PXT1: variants seen among roughly 807,000 people sequenced by gnomAD.
PXT1 encodes peroxisomal testis enriched protein 1, also known as peroxisomal testis-specific protein 1.
Under a neutral mutation model 11.0 loss-of-function variants are expected in PXT1, and 11 were observed. The observed-to-expected ratio is 1.00, with a 90% CI of 0.63 to 1.66. The LOEUF (loss-of-function observed/expected upper bound fraction) is 1.66, where lower values mean the gene tolerates loss of function less well. PXT1 is among the 40% of genes most tolerant of loss of function. The probability of loss-of-function intolerance (pLI) is 0.00; values close to 1 mark genes in which losing one functional copy is unlikely to be tolerated. For synonymous variants in PXT1, 43 were observed against 51.4 expected, an observed-to-expected ratio of 0.84 and a Z score of 0.70; for missense variants, 141 against 155.5, an observed-to-expected ratio of 0.91 and a Z score of 0.49.
intron 3 of PXT1, among the ~76,000 whole-genome samples, chr6:36,411,799 A>T (rs1208227739): frequency 6.6e-6 from 1 of 152,032 alleles, no homozygotes; most frequent in Non-Finnish European, 1.5e-5. Flanking sequence ...CAAACAAAAA[A>T]TTAGCCAGGC....
chr6:36,395,236 G>C (rs1774126773), intron 4 of PXT1, among the ~76,000 whole-genome samples: 1 of 152,134 alleles, frequency 6.6e-6, no homozygotes, highest in South Asian at 2.1e-4. Flanking sequence ...AATCCATTTA[G>C]CAGATAAAAA....
intron 3 of PXT1, among the ~76,000 whole-genome samples, chr6:36,420,573 C>A (rs1244602484): frequency 6.6e-6 from 1 of 152,074 alleles, no homozygotes; most frequent in Non-Finnish European, 1.5e-5. Context: ...GGAGTGAGAA[C>A]TGAGCAGATG....
chr6:36,412,180 C>T (rs1485462819), intron 3 of PXT1, among the ~76,000 whole-genome samples: 3 of 150,840 alleles, frequency 2.0e-5, no homozygotes, highest in African/African-American at 4.9e-5. Context: ...GGTGAAACCC[C>T]GTCTCTACCA....
At chr6:36,429,471 T>C (rs911623877) in intron 2 of PXT1, among the ~76,000 whole-genome samples, 2 of 147,140 alleles carry the variant, frequency 1.4e-5, no homozygotes, top group African/African-American at 2.5e-5. Context: ...ATTATTATTT[T>C]CTTTTTCTTC....
At chr6:36,408,882 A>C (rs1582255292) in intron 3 of PXT1, among the ~76,000 whole-genome samples, 1 of 151,986 alleles carries the variant, frequency 6.6e-6, no homozygotes, top group Non-Finnish European at 1.5e-5. Flanking sequence ...GTTTCAAAAA[A>C]AAAAATACTT....
intron 1 of PXT1, among the ~76,000 whole-genome samples, chr6:36,440,671 G>A (rs1022636833): frequency 1.3e-5 from 2 of 151,790 alleles, no homozygotes; most frequent in African/African-American, 4.8e-5. Flanking sequence ...GAAATAAAAT[G>A]ATAAAAACCA....
At chr6:36,422,316 AGT>A (rs1774533871) in intron 3 of PXT1, among the ~76,000 whole-genome samples, 1 of 152,146 alleles carries the variant, frequency 6.6e-6, no homozygotes. Context: ...AGAGGCTCCC[AGT>A]TCTCCCTTGC....
intron 3 of PXT1, 68 bp downstream of exon 3, chr6:36,425,845 AT>A: frequency 1.2e-6 from 1 of 803,734 alleles, no homozygotes; most frequent in South Asian, 2.1e-5. Context: ...GTCCAATTTT[AT>A]GGTCTTAATA....
chr6:36,405,442 G>A (rs1044760738), intron 3 of PXT1, among the ~76,000 whole-genome samples: 7 of 151,468 alleles, frequency 4.6e-5, no homozygotes, highest in South Asian at 2.1e-4. Context: ...ACAATGTCGC[G>A]ATCTCAGCTC....
At chr6:36,430,009 G>C (rs517890) in intron 2 of PXT1, among the ~76,000 whole-genome samples, 65,033 of 151,202 alleles carry the variant, frequency 0.43, 15,423 homozygotes, top group African/African-American at 0.61. Flanking sequence ...GAGCTCGAGA[G>C]TAGCCTGGCC....
At chr6:36,421,232 C>G (rs1774521422) in intron 3 of PXT1, among the ~76,000 whole-genome samples, 1 of 152,000 alleles carries the variant, frequency 6.6e-6, no homozygotes, top group Non-Finnish European at 1.5e-5. Context: ...TTTGGAAGGA[C>G]AAGGCAGGAT....
At chr6:36,407,904 T>C (rs1230158055) in intron 3 of PXT1, among the ~76,000 whole-genome samples, 1 of 151,976 alleles carries the variant, frequency 6.6e-6, no homozygotes, top group Non-Finnish European at 1.5e-5. Context: ...TAGCTGGGAC[T>C]TCAACATGTG....
At chr6:36,395,596 A>G (rs1774132582) in intron 4 of PXT1, among the ~76,000 whole-genome samples, 1 of 136,580 alleles carries the variant, frequency 7.3e-6, no homozygotes, top group Non-Finnish European at 1.5e-5. Flanking sequence ...TTGACTTCCC[A>G]GGTTCAAGCG....
rs535731902 is a variant in PXT1, at chr6:36,429,478, C to A, written c.-9-3387G>T. On this transcript the variant is annotated intron_variant, in intron 2 of 4. Coordinates refer to ENST00000454782, the MANE Select transcript of PXT1 (RefSeq NM_152990.4). The stretch of plus-strand genomic sequence containing the variant: ...TCATTATTATTATTATTTTCTTTTT[C>A]TTCACTTTTCTTTTTTCTTTTTTTC... Among the ~76,000 whole-genome samples the A allele has an allele frequency of 2.9e-5, 4 of 138,586 alleles. No individual in the cohort carries two copies. In the South Asian group the frequency reaches 6.9e-4, roughly 24 times the overall value. The allele number at this position is 138,586 out of a possible 152,430, so 90.9% of individuals were successfully genotyped here. A position where few individuals can be genotyped will look rare whatever the true frequency, so the allele number is the denominator to read the frequency against.
At chr6:36,407,547 G>C (rs1395094155) in intron 3 of PXT1, among the ~76,000 whole-genome samples, 2 of 151,506 alleles carry the variant, frequency 1.3e-5, no homozygotes, top group African/African-American at 4.9e-5. Context: ...AAATGGCCCA[G>C]TAAGGAATTT....
intron 2 of PXT1, among the ~76,000 whole-genome samples, chr6:36,432,748 T>G (rs1017048210): frequency 6.6e-6 from 1 of 152,176 alleles, no homozygotes; most frequent in Non-Finnish European, 1.5e-5. Context: ...AAGCTATACT[T>G]TTACTTCCAT....
chr6:36,439,999 G>A (rs780261406), intron 1 of PXT1, among the ~76,000 whole-genome samples: 20 of 152,196 alleles, frequency 1.3e-4, no homozygotes, highest in Non-Finnish European at 2.8e-4. Context: ...TCAGGAGGCT[G>A]AGGTGGGAGG....
chr6:36,398,692 G>A (rs1391982719), intron 4 of PXT1, among the ~76,000 whole-genome samples: 2 of 152,164 alleles, frequency 1.3e-5, no homozygotes, highest in Non-Finnish European at 2.9e-5. Flanking sequence ...ACACAAAGTA[G>A]ATTGGTGGGG....
intron 2 of PXT1, among the ~76,000 whole-genome samples, chr6:36,434,279 C>A (rs1043509029): frequency 1.3e-5 from 2 of 152,072 alleles, no homozygotes; most frequent in African/African-American, 2.4e-5. Context: ...ATGGAAAAGA[C>A]CTAAACCAAT....
Sources: gnomAD v4.1 joint callset for allele counts (sites outside exome capture counted in the v4.1 genomes callset) on GRCh38, gnomAD v4.1.1 for gene constraint, MANE v1.5 for transcripts, NCBI Gene and HGNC (gene_info 2026-07-23, HGNC 2026-07-21) for gene names.